CDH23: variants seen among roughly 807,000 people sequenced by gnomAD.
CDH23 encodes cadherin related 23, also known as cadherin-23.
A neutral mutation model predicts 317.1 loss-of-function variants in CDH23; 189 were observed. The observed-to-expected ratio is 0.60, with a 90% CI of 0.53 to 0.67. The LOEUF (loss-of-function observed/expected upper bound fraction) is 0.67, where lower values mean the gene tolerates loss of function less well. CDH23 is among the 30% of genes least tolerant of loss of function. The pLI, the probability that CDH23 is intolerant of heterozygous loss-of-function variation, is 0.00. For synonymous variants in CDH23, 1,839 were observed against 1,876.8 expected, an observed-to-expected ratio of 0.98 and a Z score of 0.52; for missense variants, 4,401 against 4,592.4, an observed-to-expected ratio of 0.96 and a Z score of 1.20.
At chr10:71,433,420 A>G (rs1241266399) in intron 1 of CDH23, among the ~76,000 whole-genome samples, 1 of 152,084 alleles carries the variant, frequency 6.6e-6, no homozygotes, top group Non-Finnish European at 1.5e-5. Context: ...TCTTTGGACA[A>G]TTTTCAAAGA....
In CDH23 at chr10:71,793,247, C is replaced by T. The variant is rs1306728898; in HGVS notation, c.6319C>T (p.Arg2107Ter). The T allele has an allele frequency of 1.9e-6, 3 of 1,613,698 alleles. No individual in the cohort carries two copies. The highest frequency in any genetic ancestry group is 2.2e-5 in the East Asian group (1 of 44,878). ...TGGCCTCAATGGGGAGCTGGTCTAC[C>T]GAATAGAAGCTGGGGCTCAGGACCG... ...DSGLNGELVY[R>*]IEAGAQDRFL... Residue 2107 changes from arginine (R) to a stop codon, truncating the protein, a stop_gained, in exon 48 of 70, where the codon CGA becomes TGA. Coordinates refer to ENST00000224721, the MANE Select transcript of CDH23 (RefSeq NM_022124.6). LOFTEE classifies it high-confidence loss of function.
In CDH23 at chr10:71,687,665, C is replaced by G; in HGVS notation, c.2005C>G (p.Pro669Ala). 1 of 1,613,932 alleles carries G rather than the reference C, an allele frequency of 6.2e-7. No homozygotes were observed. Among genetic ancestry groups the G allele is most frequent in the Non-Finnish European group, 8.5e-7 (1 of 1,179,884 alleles). The change falls in exon 19 of 70, where the codon CCC becomes GCC. Residue 669 changes from proline to alanine, a missense_variant. Pro to Ala is a conservative substitution (Grantham distance 27). Coordinates refer to ENST00000224721, the MANE Select transcript of CDH23 (RefSeq NM_022124.6). ...IEVFDENDNP[P>A]TFSKPAYFVS... is the part of the protein sequence containing the mutation. The stretch of plus-strand genomic sequence containing the variant: ...CTTCCAGGATGAGAATGACAACCCT[C>G]CCACCTTCAGCAAGCCCGCCTACTT...
At chr10:71,506,647 C>G (rs751846755) in intron 3 of CDH23, among the ~76,000 whole-genome samples, 4 of 151,894 alleles carry the variant, frequency 2.6e-5, no homozygotes, top group Non-Finnish European at 4.4e-5. Flanking sequence ...GAGAAACAAG[C>G]CTTGCTTCCC....
Position 71,734,240 on chromosome 10 carries a change from G to A in CDH23, c.4105G>A (p.Gly1369Ser). 1 of 1,607,940 alleles carries A rather than the reference G, an allele frequency of 6.2e-7. No individual in the cohort carries two copies. Among genetic ancestry groups the A allele is most frequent in the Non-Finnish European group, 8.5e-7 (1 of 1,177,308 alleles). The change falls in exon 33 of 70, where the codon GGT (glycine) becomes AGT (serine). Residue 1369 changes from glycine (G) to serine (S), a missense_variant and splice_region_variant. Gly to Ser is a moderately conservative substitution (Grantham distance 56, BLOSUM62 0). Transcript: ENST00000224721. Reference sequence around the variant, plus strand: ...CACCCATCTGGCCCCTTCCCTGCAGGGTGTGATCACAGTCCAGGGCCTGGT... The same window carrying A: ...CACCCATCTGGCCCCTTCCCTGCAGAGTGTGATCACAGTCCAGGGCCTGGT... The part of the protein sequence containing the change: ...KALFKIDAIT[G>S]VITVQGLVDR...
rs1866176760 is a variant in CDH23 at position 71,715,584 on chromosome 10, G to T, written c.3369+2771G>T. On this transcript the variant is annotated intron_variant, in intron 28 of 69. Coordinates refer to ENST00000224721, the MANE Select transcript of CDH23 (RefSeq NM_022124.6). ...CATGCTGGGCTTTGGCACCTGGAGGGCAAGGCTTCTGTGGCGAGCGAGGGT... is the reference window on the plus strand; with the variant it reads ...CATGCTGGGCTTTGGCACCTGGAGGTCAAGGCTTCTGTGGCGAGCGAGGGT... 2.4e-5 allele frequency: 5 copies of T among 210,924 alleles called. No homozygotes were observed. The South Asian group carries it at 6.5e-4, about 28-fold the overall frequency. The allele number at this position is 210,924 out of a possible 1,614,324, so 13.1% of individuals were successfully genotyped here.
At chr10:71,709,822 C>T (rs1865909864) in intron 27 of CDH23, among the ~76,000 whole-genome samples, 1 of 151,920 alleles carries the variant, frequency 6.6e-6, no homozygotes, top group African/African-American at 2.4e-5. Context: ...GTAATTTATA[C>T]AGGAAAAAGG....
intron 3 of CDH23, among the ~76,000 whole-genome samples, chr10:71,486,335 G>A (rs899210060): frequency 4.6e-5 from 7 of 152,184 alleles, no homozygotes; most frequent in African/African-American, 1.7e-4. Context: ...GCAGAAGAAT[G>A]AATGTGTGAC....
intron 15 of CDH23, among the ~76,000 whole-genome samples, chr10:71,675,772 G>A (rs767004491): frequency 3.9e-5 from 6 of 152,108 alleles, no homozygotes; most frequent in Non-Finnish European, 5.9e-5. Context: ...TTGTAGGTGG[G>A]TTACTCACCT....
intron 57 of CDH23, 79 bp from the exon 58 acceptor site, chr10:71,807,198 T>C: frequency 1.3e-6 from 2 of 1,551,536 alleles, no homozygotes; most frequent in African/African-American, 1.4e-5. Flanking sequence ...ACAAAGTCAC[T>C]GCCCAGGGCC....
intron 35 of CDH23, among the ~76,000 whole-genome samples, chr10:71,739,285 G>A (rs1051838338): frequency 6.6e-6 from 1 of 152,128 alleles, no homozygotes; most frequent in Non-Finnish European, 1.5e-5. Context: ...CAAGGTTGCC[G>A]TAAGAACCAA....
intron 11 of CDH23, among the ~76,000 whole-genome samples, chr10:71,619,643 A>G (rs1020769890): frequency 2.0e-5 from 3 of 152,200 alleles, no homozygotes; most frequent in African/African-American, 4.8e-5. Context: ...TTCTATGGTG[A>G]GAGGGGCCTA....
intron 1 of CDH23, among the ~76,000 whole-genome samples, chr10:71,431,360 G>A (rs1257459260): frequency 1.3e-5 from 2 of 152,158 alleles, no homozygotes; most frequent in Non-Finnish European, 1.5e-5. Context: ...ATCCAGGGGA[G>A]GGTGCAAGAA....
At chr10:71,707,203 G>T in intron 26 of CDH23, 154 bp downstream of exon 26, 2 of 1,505,234 alleles carry the variant, frequency 1.3e-6, no homozygotes, top group East Asian at 2.5e-5. Context: ...TGCCTCCCGA[G>T]GATTTGCTCC....
In CDH23 at chr10:71,631,239, A is replaced by G. The variant is rs551882739; in HGVS notation, c.1135-12622A>G. Reference sequence around the variant, plus strand: ...GCCTGGGCAACAGAGCAAGACCCCAACTCTACCTAAAACAAATGAATAAAT... The same window carrying G: ...GCCTGGGCAACAGAGCAAGACCCCAGCTCTACCTAAAACAAATGAATAAAT... On this transcript the variant is annotated intron_variant, in intron 11 of 69. Coordinates refer to ENST00000224721, the MANE Select transcript of CDH23 (RefSeq NM_022124.6). 1.6e-4 allele frequency among the ~76,000 whole-genome samples: 24 copies of G among 152,114 alleles called. No homozygotes were observed. In the South Asian group the frequency reaches 4.2e-3, roughly 26 times the overall value.
intron 3 of CDH23, among the ~76,000 whole-genome samples, chr10:71,490,996 C>T (rs1020952181): frequency 3.9e-5 from 6 of 152,000 alleles, no homozygotes; most frequent in South Asian, 2.1e-4. Flanking sequence ...GACAACAGAG[C>T]GAGACTCCAT....
At chr10:71,469,761 T>C (rs1418045885) in intron 3 of CDH23, among the ~76,000 whole-genome samples, 1 of 152,082 alleles carries the variant, frequency 6.6e-6, no homozygotes, top group Non-Finnish European at 1.5e-5. Flanking sequence ...GTGTGCTGCA[T>C]GCCCAGCTAA....
At chr10:71,535,942 T>A (rs750494210) in intron 6 of CDH23, among the ~76,000 whole-genome samples, 2 of 152,156 alleles carry the variant, frequency 1.3e-5, no homozygotes, top group African/African-American at 4.8e-5. Flanking sequence ...AGACAGACAG[T>A]CAGGGAAATG....
chr10:71,607,850 C>T lies in CDH23; in HGVS notation c.833-7654C>T, dbSNP rs188379723. Among the ~76,000 whole-genome samples the T allele has an allele frequency of 2.0e-5, 3 of 152,292 alleles. No individual in the cohort carries two copies. The East Asian group carries it at 5.8e-4, about 29-fold the overall frequency. ...CTGAAGAGGTTAAGTCTGCAGTGAG[C>T]TGTGATCAAGCCACCACACTCCAGC... On this transcript the variant is annotated intron_variant, in intron 9 of 69. Transcript: ENST00000224721.
chr10:71,434,104 G>C (rs1274253817), intron 1 of CDH23, among the ~76,000 whole-genome samples: 1 of 152,088 alleles, frequency 6.6e-6, no homozygotes, highest in Admixed American at 6.5e-5. Flanking sequence ...AGCGCACTAG[G>C]CATGCTCTTG....
Sources: allele counts gnomAD v4.1 joint callset (sites outside exome capture counted in the v4.1 genomes callset), GRCh38; gene constraint gnomAD v4.1.1; transcripts MANE v1.5; gene names NCBI Gene and HGNC (gene_info 2026-07-23, HGNC 2026-07-21).